SGCG: variants seen among roughly 807,000 people sequenced by gnomAD.
SGCG encodes gamma-sarcoglycan.
Under a neutral mutation model 29.3 loss-of-function variants are expected in SGCG, and 26 were observed. That is an observed-to-expected ratio of 0.89 (90% CI 0.65 to 1.23). SGCG has a LOEUF of 1.23. Ranked by LOEUF, SGCG falls within the 50% of genes most tolerant of loss-of-function variation. The probability of loss-of-function intolerance (pLI) is 0.00; values close to 1 mark genes in which losing one functional copy is unlikely to be tolerated. For synonymous variants in SGCG, 145 were observed against 129.7 expected (o/e 1.12, Z -0.80); for missense variants, 353 against 356.0 (o/e 0.99, Z 0.07).
intron 2 of SGCG, among the ~76,000 whole-genome samples, chr13:23,206,368 A>G (rs1877980537): frequency 1.3e-5 from 2 of 152,280 alleles, no homozygotes; most frequent in South Asian, 4.1e-4. Context: ...TCTTTGTTCA[A>G]TGAGTTTGCC....
chr13:23,211,197 A>T (rs866043937), intron 2 of SGCG, among the ~76,000 whole-genome samples: 9 of 152,300 alleles, frequency 5.9e-5, no homozygotes, highest in African/African-American at 2.2e-4. Context: ...ATATTGTGAC[A>T]TTCTTCCTGG....
intron 1 of SGCG, among the ~76,000 whole-genome samples, chr13:23,203,379 T>C (rs1281841056): frequency 6.6e-6 from 1 of 152,238 alleles, no homozygotes; most frequent in Non-Finnish European, 1.5e-5. Flanking sequence ...CCCTGAAGAA[T>C]TCTGATAGAT....
At chr13:23,222,427 A>T (rs1248316067) in intron 2 of SGCG, among the ~76,000 whole-genome samples, 1 of 61,514 alleles carries the variant, frequency 1.6e-5, no homozygotes, top group African/African-American at 5.1e-5. Flanking sequence ...ATTAATTTTT[A>T]TGTATGATGT....
At chr13:23,252,858 A>G (rs1033006557) in intron 4 of SGCG, among the ~76,000 whole-genome samples, 2 of 152,148 alleles carry the variant, frequency 1.3e-5, no homozygotes, top group African/African-American at 4.8e-5. Context: ...AGGACTAAAA[A>G]GCAGATTTGC....
At chr13:23,267,878 A>G (rs968373068) in intron 4 of SGCG, 1 of 152,254 alleles carries the variant, frequency 6.6e-6, no homozygotes, top group Non-Finnish European at 1.5e-5. Flanking sequence ...CTGAGTATGA[A>G]GGACCTTCCA....
rs76775559 is a variant in SGCG at position 23,295,731 on chromosome 13, C to T, written c.578+244C>T. On this transcript the variant is annotated intron_variant, in intron 6 of 7. Coordinates refer to ENST00000218867, the MANE Select transcript of SGCG (RefSeq NM_000231.3). ...CTCCTTCCTCCTCCTTCTTCCTCTC[C>T]AATCTGCCTCTCACACTGGTATCAA... Among the ~76,000 whole-genome samples the T allele has an allele frequency of 0.025, 3,775 of 152,300 alleles. 71 individuals are homozygous for T. Among genetic ancestry groups the T allele is most frequent in the Non-Finnish European group, 0.041 (2,757 of 68,012 alleles).
chr13:23,241,840 G>A (rs1428226984), intron 3 of SGCG, among the ~76,000 whole-genome samples: 2 of 152,092 alleles, frequency 1.3e-5, no homozygotes, highest in Non-Finnish European at 2.9e-5. Context: ...AAACCATTTG[G>A]TCATCTCGAT....
chr13:23,264,527 A>T (rs927415942), intron 4 of SGCG, among the ~76,000 whole-genome samples: 1 of 152,204 alleles, frequency 6.6e-6, no homozygotes, highest in Non-Finnish European at 1.5e-5. Flanking sequence ...AATTCAATGC[A>T]ATTTCTATTA....
intron 6 of SGCG, among the ~76,000 whole-genome samples, chr13:23,301,625 G>A (rs1017257315): frequency 1.6e-4 from 25 of 152,290 alleles, no homozygotes; most frequent in Admixed American, 5.9e-4. Flanking sequence ...GGTGGCTCAC[G>A]CCTGTAATCC....
intron 4 of SGCG, among the ~76,000 whole-genome samples, chr13:23,253,150 A>C (rs113953178): frequency 2.6e-5 from 4 of 152,170 alleles, no homozygotes; most frequent in African/African-American, 9.7e-5. Context: ...GGGAGGCTGC[A>C]GCAGGAAGAC....
intron 2 of SGCG, among the ~76,000 whole-genome samples, chr13:23,221,777 G>A (rs1266034034): frequency 1.3e-5 from 2 of 152,164 alleles, no homozygotes; most frequent in Non-Finnish European, 2.9e-5. Flanking sequence ...GAAAACAAGA[G>A]GTTGCTGAGT....
At chr13:23,264,226 G>A (rs921809906) in intron 4 of SGCG, among the ~76,000 whole-genome samples, 1 of 152,028 alleles carries the variant, frequency 6.6e-6, no homozygotes, top group Non-Finnish European at 1.5e-5. Context: ...AATGAATTCA[G>A]TAAAGTCTCA....
chr13:23,293,132 T>G (rs1881780497), intron 5 of SGCG, among the ~76,000 whole-genome samples: 1 of 152,360 alleles, frequency 6.6e-6, no homozygotes, highest in East Asian at 1.9e-4. Flanking sequence ...CTTTACGTAA[T>G]GATCTCCATT....
chr13:23,238,397 A>C (rs1879388085), intron 3 of SGCG, among the ~76,000 whole-genome samples: 2 of 152,160 alleles, frequency 1.3e-5, no homozygotes, highest in African/African-American at 4.8e-5. Context: ...TGAGGAAGCT[A>C]CCTTGAGACT....
At chr13:23,286,743 C>T (rs999052718) in intron 5 of SGCG, among the ~76,000 whole-genome samples, 2 of 151,988 alleles carry the variant, frequency 1.3e-5, no homozygotes, top group African/African-American at 4.8e-5. Flanking sequence ...TGTCATCTCT[C>T]TCTCTGTCTC....
chr13:23,220,917 C>T (rs1878632488), intron 2 of SGCG, among the ~76,000 whole-genome samples: 1 of 152,106 alleles, frequency 6.6e-6, no homozygotes, highest in African/African-American at 2.4e-5. Context: ...CCCGCTAAAT[C>T]CTAGGAATTC....
intron 2 of SGCG, among the ~76,000 whole-genome samples, chr13:23,204,779 C>G (rs1429742137): frequency 6.8e-6 from 1 of 146,872 alleles, no homozygotes; most frequent in Non-Finnish European, 1.5e-5. Context: ...AATCTTGGCT[C>G]ACTGCAACCT....
At chr13:23,225,665 G>T (rs75679249) in intron 2 of SGCG, among the ~76,000 whole-genome samples, 3 of 152,022 alleles carry the variant, frequency 2.0e-5, no homozygotes, top group Non-Finnish European at 4.4e-5. Context: ...TCCAGCCCTG[G>T]AATTAGCTGT....
chr13:23,287,385 G>A (rs1881533348), intron 5 of SGCG, among the ~76,000 whole-genome samples: 1 of 139,844 alleles, frequency 7.2e-6, no homozygotes. Context: ...ATGAGCCTCA[G>A]TCTTGCAAGC....
Sources: allele counts gnomAD v4.1 joint callset (sites outside exome capture counted in the v4.1 genomes callset), GRCh38; gene constraint gnomAD v4.1.1; transcripts MANE v1.5; gene names NCBI Gene and HGNC (gene_info 2026-07-23, HGNC 2026-07-21).